CDH13: variants seen among roughly 807,000 people sequenced by gnomAD.
CDH13 encodes the protein cadherin 13.
Under a neutral mutation model 63.8 loss-of-function variants are expected in CDH13, and 24 were observed. The observed-to-expected ratio is 0.38, with a 90% CI of 0.27 to 0.53. The LOEUF (loss-of-function observed/expected upper bound fraction) is 0.53. CDH13 is among the 20% of genes least tolerant of loss of function. The probability of loss-of-function intolerance (pLI) is 0.85; values close to 1 mark genes in which losing one functional copy is unlikely to be tolerated. For missense variants in CDH13, 1,049 were observed against 903.1 expected (o/e 1.16, Z -2.07); for synonymous variants, 503 against 355.3 (o/e 1.42, Z -4.67).
intron 1 of CDH13, among the ~76,000 whole-genome samples, chr16:82,664,025 G>A (rs1912294823): frequency 6.6e-6 from 1 of 152,192 alleles, no homozygotes; most frequent in Non-Finnish European, 1.5e-5. Context: ...TGGACCACGA[G>A]GCAGTGACTT....
At chr16:83,116,718 A>T (rs957611953) in intron 3 of CDH13, among the ~76,000 whole-genome samples, 4 of 152,198 alleles carry the variant, frequency 2.6e-5, no homozygotes, top group African/African-American at 7.2e-5. Context: ...AACTCTGTAA[A>T]TTTCCTAACA....
chr16:82,998,040 C>G (rs770025334), intron 2 of CDH13, among the ~76,000 whole-genome samples: 29 of 152,204 alleles, frequency 1.9e-4, no homozygotes, highest in Non-Finnish European at 3.4e-4. Flanking sequence ...GTTGAGCACT[C>G]ACAGTCATGG....
chr16:83,262,861 C>T (rs1013873627), intron 5 of CDH13, among the ~76,000 whole-genome samples: 2 of 152,086 alleles, frequency 1.3e-5, no homozygotes, highest in African/African-American at 4.8e-5. Flanking sequence ...CCTATTTGGA[C>T]CACCAATTGA....
At chr16:82,901,773 C>G (rs536567324) in intron 2 of CDH13, among the ~76,000 whole-genome samples, 1 of 152,276 alleles carries the variant, frequency 6.6e-6, no homozygotes, top group East Asian at 1.9e-4. Context: ...TGCCAATTGC[C>G]TGCATGTAAC....
intron 5 of CDH13, among the ~76,000 whole-genome samples, chr16:83,258,476 G>A (rs534408641): frequency 5.8e-4 from 89 of 152,270 alleles, no homozygotes; most frequent in African/African-American, 2.0e-3. Context: ...CCCGAGTGTT[G>A]CAAATACTGT....
rs368845038 is a variant in CDH13 at position 83,431,794 on chromosome 16, C to T, written c.782-54683C>T. On this transcript the variant is annotated intron_variant, in intron 6 of 13. Coordinates refer to ENST00000567109, the MANE Select transcript of CDH13 (RefSeq NM_001257.5). The stretch of plus-strand genomic sequence containing the variant: ...GCACTAAACCATTCGCAAGAATTCA[C>T]CCCCATGATCTAATCGCCTCCCGCC... Among the ~76,000 whole-genome samples, 16 of 152,244 alleles carry T rather than the reference C, an allele frequency of 1.1e-4. No individual in the cohort carries two copies. The East Asian group carries it at 1.4e-3, about 13-fold the overall frequency.
intron 3 of CDH13, among the ~76,000 whole-genome samples, chr16:83,119,808 G>T (rs1031755263): frequency 1.3e-5 from 2 of 152,104 alleles, no homozygotes; most frequent in African/African-American, 4.8e-5. Context: ...ACATATGGCA[G>T]AACACACAAA....
intron 9 of CDH13, 83 bp from the exon 10 acceptor site, chr16:83,678,125 G>C: frequency 1.4e-6 from 2 of 1,467,180 alleles, no homozygotes; most frequent in South Asian, 1.3e-5. Context: ...ACTGTTGCTC[G>C]TGGAATTTCA....
chr16:83,027,014 G>C (rs1248674572), intron 2 of CDH13, among the ~76,000 whole-genome samples: 11 of 151,856 alleles, frequency 7.2e-5, no homozygotes, highest in Non-Finnish European at 1.5e-4. Flanking sequence ...CCTGCTGCTG[G>C]GTTCAATGAA....
intron 2 of CDH13, among the ~76,000 whole-genome samples, chr16:82,987,997 C>A (rs768518572): frequency 6.6e-6 from 1 of 152,192 alleles, no homozygotes; most frequent in South Asian, 2.1e-4. Flanking sequence ...TGGAACACTA[C>A]CCTCCCAGCA....
At chr16:83,428,566 C>G (rs1292164022) in intron 6 of CDH13, among the ~76,000 whole-genome samples, 1 of 152,092 alleles carries the variant, frequency 6.6e-6, no homozygotes, top group Admixed American at 6.5e-5. Flanking sequence ...CCTGAACGAG[C>G]CATGGTAATA....
At chr16:83,342,843 GTTTTTTTTT>G (rs778316746) in intron 5 of CDH13, among the ~76,000 whole-genome samples, 5 of 65,316 alleles carry the variant, frequency 7.7e-5, no homozygotes, top group East Asian at 5.1e-4. Flanking sequence ...TTTTGTTTCT[GTTTTTTTTT>G]TTTTTTTTTT....
chr16:83,580,980 AAAAG>A (rs1307018304), intron 7 of CDH13, among the ~76,000 whole-genome samples: 3 of 152,226 alleles, frequency 2.0e-5, no homozygotes, highest in African/African-American at 4.8e-5. Flanking sequence ...TAATATTTAT[AAAAG>A]AAAGAAAGAT....
chr16:83,103,660 C>T (rs866445914), intron 3 of CDH13, among the ~76,000 whole-genome samples: 2 of 152,166 alleles, frequency 1.3e-5, no homozygotes, highest in Admixed American at 6.5e-5. Context: ...CTCTAACTTA[C>T]CAGAATTACG....
intron 4 of CDH13, among the ~76,000 whole-genome samples, chr16:83,216,831 T>C (rs2039549468): frequency 6.6e-6 from 1 of 151,286 alleles, no homozygotes; most frequent in Non-Finnish European, 1.5e-5. Context: ...TATATATGTA[T>C]ATGTATAAAC....
Position 82,710,578 on chromosome 16 carries a change from A to T in CDH13, c.45+83441A>T, listed in dbSNP as rs1280970445. The stretch of plus-strand genomic sequence containing the variant: ...ATATATATATATATATATATATATA[A>T]ATATATTTCTATATTTATAAAATAT... On this transcript the variant is annotated intron_variant, in intron 1 of 13. Transcript: ENST00000567109. Among the ~76,000 whole-genome samples, 106 of 111,480 alleles carry T rather than the reference A, an allele frequency of 9.5e-4. 1 individual carries two copies. In the South Asian group the frequency reaches 0.022, roughly 23 times the overall value. 73.1% of individuals were successfully genotyped at this position (111,480 alleles called of 152,430 possible).
At chr16:83,010,745 G>A (rs1914068733) in intron 2 of CDH13, among the ~76,000 whole-genome samples, 1 of 152,298 alleles carries the variant, frequency 6.6e-6, no homozygotes, top group African/African-American at 2.4e-5. Context: ...AAAGGAATCA[G>A]TGGTGGGTTT....
chr16:82,976,796 G>T (rs1909573460), intron 2 of CDH13, among the ~76,000 whole-genome samples: 1 of 152,204 alleles, frequency 6.6e-6, no homozygotes, highest in African/African-American at 2.4e-5. Flanking sequence ...ACATTATTCT[G>T]CCTGGAACTC....
intron 7 of CDH13, among the ~76,000 whole-genome samples, chr16:83,513,541 G>C (rs2074624796): frequency 6.6e-6 from 1 of 152,132 alleles, no homozygotes; most frequent in African/African-American, 2.4e-5. Flanking sequence ...AAGGCCTCAG[G>C]AGACTTACAA....
Sources: gnomAD v4.1 joint callset for allele counts (sites outside exome capture counted in the v4.1 genomes callset) on GRCh38, gnomAD v4.1.1 for gene constraint, MANE v1.5 for transcripts, NCBI Gene and HGNC (gene_info 2026-07-23, HGNC 2026-07-21) for gene names.